Variants in RBFOX1 observed in about 807,000 individuals in gnomAD.
RBFOX1 encodes RNA binding protein fox-1 homolog 1.
In RBFOX1, 8 loss-of-function variants were observed where a neutral mutation model predicts 57.7. That is an observed-to-expected ratio of 0.14 (90% CI 0.08 to 0.25). RBFOX1 has a LOEUF of 0.25. Among genes scored for constraint, RBFOX1 ranks in the 10% least tolerant of loss-of-function variants. The pLI, the probability that RBFOX1 is intolerant of heterozygous loss-of-function variation, is 1.00. For synonymous variants in RBFOX1, 326 were observed against 222.4 expected, an observed-to-expected ratio of 1.47 and a Z score of -4.15; for missense variants, 611 against 548.5, an observed-to-expected ratio of 1.11 and a Z score of -1.14.
At chr16:5,563,141 G>A (rs997198804) in intron 2 of RBFOX1, among the ~76,000 whole-genome samples, 1 of 152,138 alleles carries the variant, frequency 6.6e-6, no homozygotes, top group African/African-American at 2.4e-5. Flanking sequence ...TAGAGACGGG[G>A]TTTCACCATG....
intron 1 of RBFOX1, among the ~76,000 whole-genome samples, chr16:6,300,128 A>T (rs180690113): frequency 2.8e-4 from 43 of 152,184 alleles, no homozygotes; most frequent in Non-Finnish European, 5.1e-4. Context: ...TTATATGAGG[A>T]ATCTAAAAAA....
At chr16:5,454,172 C>A (rs965740091) in intron 1 of RBFOX1, among the ~76,000 whole-genome samples, 3 of 152,326 alleles carry the variant, frequency 2.0e-5, no homozygotes, top group East Asian at 3.9e-4. Flanking sequence ...CAGTTTCTCA[C>A]TGAGAGAACA....
chr16:6,931,309 C>T (rs1039742573), intron 3 of RBFOX1, among the ~76,000 whole-genome samples: 2 of 127,192 alleles, frequency 1.6e-5, no homozygotes, highest in African/African-American at 6.8e-5. Flanking sequence ...ATCTATCTAT[C>T]TATCTATCTA....
chr16:7,200,960 G>A (rs537253792), intron 4 of RBFOX1, among the ~76,000 whole-genome samples: 4 of 152,300 alleles, frequency 2.6e-5, no homozygotes, highest in South Asian at 4.1e-4. Context: ...ATGTAGCCCT[G>A]AACTTCTTGT....
At chr16:6,959,969 C>T (rs190779061) in intron 3 of RBFOX1, among the ~76,000 whole-genome samples, 2 of 152,166 alleles carry the variant, frequency 1.3e-5, no homozygotes, top group African/African-American at 4.8e-5. Flanking sequence ...GCCAAGAAAG[C>T]CAGTGCCCTT....
chr16:7,031,547 G>A (rs921250095), intron 3 of RBFOX1, among the ~76,000 whole-genome samples: 1 of 151,610 alleles, frequency 6.6e-6, no homozygotes, highest in Non-Finnish European at 1.5e-5. Flanking sequence ...AGTGAGCCAA[G>A]CCAAGATCAT....
At chr16:7,232,612 CG>C (rs1555609081) in intron 4 of RBFOX1, among the ~76,000 whole-genome samples, 2 of 151,908 alleles carry the variant, frequency 1.3e-5, no homozygotes, top group Non-Finnish European at 2.9e-5. Context: ...GAGGCCGAAG[CG>C]GGTGGATCAC....
intron 3 of RBFOX1, among the ~76,000 whole-genome samples, chr16:7,038,981 T>C (rs34899746): frequency 0.096 from 14,641 of 152,180 alleles, 1,170 homozygotes; most frequent in East Asian, 0.32. Flanking sequence ...CAGTGACTTA[T>C]AGCCAGAGCA....
chr16:5,869,952 A>G (rs1453453999), intron 4 of RBFOX1, among the ~76,000 whole-genome samples: 7 of 152,140 alleles, frequency 4.6e-5, no homozygotes, highest in Non-Finnish European at 1.0e-4. Flanking sequence ...AGATCAATCA[A>G]TAGTGGTGTA....
chr16:6,748,675 T>A (rs1054190970), intron 3 of RBFOX1, among the ~76,000 whole-genome samples: 1 of 152,056 alleles, frequency 6.6e-6, no homozygotes, highest in African/African-American at 2.4e-5. Context: ...AACACCTAAT[T>A]ATTTGGAGTA....
At chr16:5,532,048 C>G (rs900384207) in intron 2 of RBFOX1, among the ~76,000 whole-genome samples, 3 of 152,192 alleles carry the variant, frequency 2.0e-5, no homozygotes, top group Non-Finnish European at 2.9e-5. Context: ...GACTGTCCGC[C>G]TCGACCTCCC....
chr16:6,148,571 T>C (rs1198675722), intron 1 of RBFOX1, among the ~76,000 whole-genome samples: 2 of 152,168 alleles, frequency 1.3e-5, no homozygotes, highest in African/African-American at 4.8e-5. Context: ...ATAAGAGTCA[T>C]GTTCCTGGCA....
chr16:6,890,491 C>T (rs775329875), intron 3 of RBFOX1, among the ~76,000 whole-genome samples: 2 of 151,592 alleles, frequency 1.3e-5, no homozygotes, highest in South Asian at 2.1e-4. Context: ...GGCACTCCAG[C>T]CTGGGCAACA....
At chr16:6,500,772 A>T (rs1402339609) in intron 2 of RBFOX1, among the ~76,000 whole-genome samples, 4 of 152,010 alleles carry the variant, frequency 2.6e-5, no homozygotes, top group Non-Finnish European at 4.4e-5. Flanking sequence ...CCTCACAAAG[A>T]TTATAAACCA....
intron 3 of RBFOX1, among the ~76,000 whole-genome samples, chr16:5,663,811 C>T (rs1011214122): frequency 1.3e-5 from 2 of 152,208 alleles, no homozygotes; most frequent in African/African-American, 2.4e-5. Flanking sequence ...GTGCTTCACA[C>T]GTCAAAGACA....
intron 1 of RBFOX1, among the ~76,000 whole-genome samples, chr16:6,160,010 A>G (rs902323569): frequency 3.9e-5 from 6 of 152,178 alleles, no homozygotes; most frequent in East Asian, 1.9e-4. Flanking sequence ...CCACAGGTCA[A>G]TAGAATATAC....
intron 3 of RBFOX1, among the ~76,000 whole-genome samples, chr16:5,778,503 A>C (rs2054219972): frequency 6.6e-6 from 1 of 151,988 alleles, no homozygotes; most frequent in African/African-American, 2.4e-5. Context: ...GGGACATCTC[A>C]CCATTTTGTC....
At chr16:7,542,537 G>A (rs2083228170) in intron 5 of RBFOX1, among the ~76,000 whole-genome samples, 2 of 151,994 alleles carry the variant, frequency 1.3e-5, no homozygotes, top group South Asian at 4.2e-4. Flanking sequence ...GAAGGGGAAA[G>A]AGAAACAGAA....
At chr16:6,124,190 G>A (rs2096572006) in intron 1 of RBFOX1, among the ~76,000 whole-genome samples, 1 of 152,114 alleles carries the variant, frequency 6.6e-6, no homozygotes, top group South Asian at 2.1e-4. Flanking sequence ...AACTGAAACT[G>A]GATTCCCTTT....
Sources: allele counts gnomAD v4.1 joint callset (sites outside exome capture counted in the v4.1 genomes callset), GRCh38; gene constraint gnomAD v4.1.1; transcripts MANE v1.5; gene names NCBI Gene and HGNC (gene_info 2026-07-23, HGNC 2026-07-21).